RIMS4: variants seen among roughly 807,000 people sequenced by gnomAD.
The protein encoded by RIMS4 is regulating synaptic membrane exocytosis 4.
RIMS4 carries 9 observed loss-of-function variants against 29.0 expected under a neutral mutation model. That is an observed-to-expected ratio of 0.31 (90% CI 0.19 to 0.54). The LOEUF (loss-of-function observed/expected upper bound fraction) is 0.54, where lower values mean the gene tolerates loss of function less well. RIMS4 is among the 20% of genes least tolerant of loss of function. The probability of loss-of-function intolerance (pLI) is 0.94; values close to 1 mark genes in which losing one functional copy is unlikely to be tolerated. For missense variants in RIMS4, 193 were observed against 365.7 expected (o/e 0.53, Z 3.85); for synonymous variants, 130 against 152.9 (o/e 0.85, Z 1.10).
At chr20:44,808,388 A>G (rs1260836428) in intron 1 of RIMS4, among the ~76,000 whole-genome samples, 4 of 152,310 alleles carry the variant, frequency 2.6e-5, no homozygotes, top group Non-Finnish European at 5.9e-5. Context: ...GACACACAGC[A>G]TGACTTTGAA....
rs114596674 is a variant in RIMS4, at chr20:44,791,178, C to G, written c.97+18997G>C. On this transcript the variant is annotated intron_variant, in intron 1 of 5. Coordinates refer to ENST00000372851, the MANE Select transcript of RIMS4 (RefSeq NM_182970.4). ...TTTAAATATGTGTTGTGTGTGTGCA[C>G]GCGCACGCGCACACACCCCCTAGAG... 6.0e-3 allele frequency among the ~76,000 whole-genome samples: 919 copies of G among 152,312 alleles called. 5 individuals are homozygous for G. Among genetic ancestry groups the G allele is most frequent in the African/African-American group, 0.02 (848 of 41,574 alleles).
chr20:44,778,544 A>G (rs1415168358), intron 1 of RIMS4, among the ~76,000 whole-genome samples: 2 of 152,182 alleles, frequency 1.3e-5, no homozygotes, highest in African/African-American at 2.4e-5. Flanking sequence ...CCCACACTGT[A>G]GTCCCAGCTA....
intron 1 of RIMS4, among the ~76,000 whole-genome samples, chr20:44,800,953 A>G (rs1417412489): frequency 6.6e-6 from 1 of 152,198 alleles, no homozygotes; most frequent in East Asian, 1.9e-4. Context: ...AGATGTGCAC[A>G]TCACATCATT....
intron 1 of RIMS4, among the ~76,000 whole-genome samples, chr20:44,800,213 T>TA (rs757402850): frequency 5.9e-5 from 9 of 152,088 alleles, no homozygotes; most frequent in Non-Finnish European, 1.3e-4. Flanking sequence ...AATAAGAATT[T>TA]AAAAACAGGA....
intron 1 of RIMS4, among the ~76,000 whole-genome samples, chr20:44,797,498 T>C (rs545424408): frequency 6.6e-6 from 1 of 152,366 alleles, no homozygotes; most frequent in African/African-American, 2.4e-5. Flanking sequence ...CTTCTTTCTC[T>C]GCCTCACTTT....
At position 44,782,351 on chromosome 20, in the gene RIMS4, G is replaced by A. The variant is rs892739878; in HGVS notation, c.98-10938C>T. ...GCACAACCTTGGCTCACTGCAACCC[G>A]TCTCCCAGGTTCAAGTGATTCTCCT... On this transcript the variant is annotated intron_variant, in intron 1 of 5. Transcript: ENST00000372851. Among the ~76,000 whole-genome samples the A allele has an allele frequency of 5.3e-5, 8 of 152,102 alleles. No homozygotes were observed. The East Asian group carries it at 5.8e-4, about 11-fold the overall frequency.
intron 1 of RIMS4, among the ~76,000 whole-genome samples, chr20:44,794,506 A>G (rs1410954881): frequency 6.6e-6 from 1 of 152,242 alleles, no homozygotes; most frequent in Admixed American, 6.5e-5. Flanking sequence ...TATGGGCTTC[A>G]AGAGTTCTTG....
chr20:44,766,430 G>C (rs1041564161), intron 2 of RIMS4, among the ~76,000 whole-genome samples: 1 of 152,156 alleles, frequency 6.6e-6, no homozygotes, highest in African/African-American at 2.4e-5. Flanking sequence ...GAAGGGTAAA[G>C]GTTCAGGGTG....
rs1248486860 is a variant in RIMS4, at chr20:44,752,131, C to T, written c.*4003G>A. On this transcript the variant is annotated 3_prime_UTR_variant, in exon 6 of 6. Transcript: ENST00000372851. Reference sequence around the variant, plus strand: ...GGTTAGACGGGCACCATCAGCCCACCTCACAGGCTCGGCGTCGGGTGAGCT... The same window carrying T: ...GGTTAGACGGGCACCATCAGCCCACTTCACAGGCTCGGCGTCGGGTGAGCT... The T allele has an allele frequency of 1.3e-5, 2 of 152,296 alleles. No homozygotes were observed. Among genetic ancestry groups the T allele is most frequent in the Non-Finnish European group, 2.9e-5 (2 of 68,100 alleles). 9.4% of individuals were successfully genotyped at this position (152,296 alleles called of 1,614,324 possible). A position where few individuals can be genotyped will look rare whatever the true frequency, so the allele number is the denominator to read the frequency against.
intron 1 of RIMS4, among the ~76,000 whole-genome samples, chr20:44,804,092 A>G (rs1044603008): frequency 6.6e-6 from 1 of 152,182 alleles, no homozygotes; most frequent in Non-Finnish European, 1.5e-5. Context: ...TCACCACCCT[A>G]TAACCTGAGA....
At chr20:44,762,631 T>C (rs898691097) in intron 2 of RIMS4, among the ~76,000 whole-genome samples, 1 of 152,198 alleles carries the variant, frequency 6.6e-6, no homozygotes, top group Non-Finnish European at 1.5e-5. Flanking sequence ...GTTTATAATA[T>C]CTGGGCGGCT....
chr20:44,762,110 G>T (rs970095192), intron 2 of RIMS4, among the ~76,000 whole-genome samples: 1 of 152,212 alleles, frequency 6.6e-6, no homozygotes, highest in African/African-American at 2.4e-5. Flanking sequence ...CTCACAAGGA[G>T]CTTGCAACCT....
At chr20:44,773,718 C>T (rs1280625656) in intron 1 of RIMS4, among the ~76,000 whole-genome samples, 2 of 152,208 alleles carry the variant, frequency 1.3e-5, no homozygotes, top group Non-Finnish European at 2.9e-5. Flanking sequence ...ATCTGTGTGG[C>T]ATCCTACAGC....
chr20:44,756,359 G>C lies in RIMS4; in HGVS notation c.592-7C>G. The C allele has an allele frequency of 6.2e-7, 1 of 1,611,836 alleles. No homozygotes were observed. The highest frequency in any genetic ancestry group is 8.5e-7 in the Non-Finnish European group (1 of 1,178,842). On this transcript the variant is annotated splice_polypyrimidine_tract_variant and splice_region_variant and intron_variant, in intron 5 of 5. Coordinates refer to ENST00000372851, the MANE Select transcript of RIMS4 (RefSeq NM_182970.4). The surrounding 1 kb of genome is among the most constrained non-coding windows in gnomAD (Gnocchi z 5.9). Reference sequence around the variant, plus strand: ...AGTTCCCCCACACGATCACCTGTGGGGCAAGAGACACAGTGGTTCAAATCC... The same window carrying C: ...AGTTCCCCCACACGATCACCTGTGGCGCAAGAGACACAGTGGTTCAAATCC...
intron 1 of RIMS4, among the ~76,000 whole-genome samples, chr20:44,798,221 C>G (rs1339526470): frequency 6.6e-6 from 1 of 152,098 alleles, no homozygotes; most frequent in Non-Finnish European, 1.5e-5. Flanking sequence ...GGAAAGAGGC[C>G]CACAAAGAAG....
At chr20:44,798,408 T>C (rs1323438263) in intron 1 of RIMS4, among the ~76,000 whole-genome samples, 1 of 152,218 alleles carries the variant, frequency 6.6e-6, no homozygotes, top group Non-Finnish European at 1.5e-5. Flanking sequence ...TGGCCGAATG[T>C]AATGACTATG....
At position 44,759,242 on chromosome 20, in the gene RIMS4, G is replaced by C. The variant is rs538511326; in HGVS notation, c.237-1058C>G. Among the ~76,000 whole-genome samples, 80 of 151,800 alleles carry C rather than the reference G, an allele frequency of 5.3e-4. 1 individual carries two copies. Among genetic ancestry groups the C allele is most frequent in the Non-Finnish European group, 8.8e-4 (60 of 67,902 alleles). ...ACAACCACAGGAGGTTTTTTTTGTT[G>C]TTGTTCTGGTTTTTGTTTTTTTTTT... On this transcript the variant is annotated intron_variant, in intron 2 of 5. Transcript: ENST00000372851.
intron 1 of RIMS4, among the ~76,000 whole-genome samples, chr20:44,796,993 T>C (rs1357515344): frequency 2.0e-5 from 3 of 152,224 alleles, no homozygotes; most frequent in African/African-American, 7.2e-5. Context: ...CAGTCTCCTA[T>C]TGCCAGCACC....
In RIMS4 at chr20:44,779,698, C is replaced by T. The variant is rs894754416; in HGVS notation, c.98-8285G>A. On this transcript the variant is annotated intron_variant, in intron 1 of 5. Transcript: ENST00000372851. ...CAGTAATGAGATATTACAAATAGCT[C>T]TGCCAAAAACATTCTTGTATGTGTC... is the stretch of plus-strand genomic sequence containing the variant. 3.3e-5 allele frequency among the ~76,000 whole-genome samples: 5 copies of T among 152,202 alleles called. No individual in the cohort carries two copies. In the East Asian group the frequency reaches 7.7e-4, roughly 23 times the overall value.
Sources: allele counts gnomAD v4.1 joint callset (sites outside exome capture counted in the v4.1 genomes callset), GRCh38; gene constraint gnomAD v4.1.1; non-coding constraint Gnocchi (gnomAD v3.1); transcripts MANE v1.5; gene names NCBI Gene and HGNC (gene_info 2026-07-23, HGNC 2026-07-21).